LRRC20: variants seen among roughly 807,000 people sequenced by gnomAD.
LRRC20 encodes leucine-rich repeat-containing protein 20.
LRRC20 carries 11 observed loss-of-function variants against 14.4 expected under a neutral mutation model. That is an observed-to-expected ratio of 0.77 (90% CI 0.48 to 1.27). The LOEUF is 1.27. LRRC20 is among the 50% of genes most tolerant of loss of function. The pLI is 0.00. For synonymous variants in LRRC20, 121 were observed against 107.3 expected (o/e 1.13, Z -0.79); for missense variants, 219 against 251.2 (o/e 0.87, Z 0.87).
chr10:70,325,824 C>T (rs556329283), intron 3 of LRRC20, among the ~76,000 whole-genome samples: 1 of 152,180 alleles, frequency 6.6e-6, no homozygotes, highest in Non-Finnish European at 1.5e-5. Flanking sequence ...GCCTTCCAAC[C>T]TTTCTGAGTC....
intron 3 of LRRC20, among the ~76,000 whole-genome samples, chr10:70,333,786 C>T (rs1276852564): frequency 6.6e-6 from 1 of 152,206 alleles, no homozygotes; most frequent in Non-Finnish European, 1.5e-5. Flanking sequence ...GCCCCTTGTG[C>T]ATAACTCAGG....
chr10:70,356,250 G>T (rs1218428963), intron 2 of LRRC20, among the ~76,000 whole-genome samples: 1 of 152,184 alleles, frequency 6.6e-6, no homozygotes, highest in Non-Finnish European at 1.5e-5. Context: ...GGTGGCTCAC[G>T]CCCGTAACCC....
At chr10:70,373,739 G>C (rs1013692949) in intron 2 of LRRC20, among the ~76,000 whole-genome samples, 31 of 152,208 alleles carry the variant, frequency 2.0e-4, no homozygotes, top group African/African-American at 7.0e-4. Flanking sequence ...CATGACCCTG[G>C]CAATCACCAA....
At position 70,299,079 on chromosome 10, in the gene LRRC20, A is replaced by G. The variant is rs1841062430; in HGVS notation, c.*2275T>C. The G allele has an allele frequency of 6.6e-6, 1 of 152,622 alleles. No individual in the cohort carries two copies. Among genetic ancestry groups the G allele is most frequent in the Non-Finnish European group, 1.5e-5 (1 of 68,082 alleles). The allele number at this position is 152,622 out of a possible 1,614,324, so 9.5% of individuals were successfully genotyped here. A position where few individuals can be genotyped will look rare whatever the true frequency, so the allele number is the denominator to read the frequency against. ...CTGCCCACACTTTCCAAGACAGACA[A>G]GGGCAAACTCTCCAAGCAGAGGAGA... On this transcript the variant is annotated 3_prime_UTR_variant, in exon 5 of 5. Coordinates refer to ENST00000446961, the MANE Select transcript of LRRC20 (RefSeq NM_001278212.2).
chr10:70,355,911 C>T (rs1376457922), intron 2 of LRRC20, among the ~76,000 whole-genome samples: 1 of 151,858 alleles, frequency 6.6e-6, no homozygotes, highest in Non-Finnish European at 1.5e-5. Context: ...ACACACGAAT[C>T]CTGCATCTCA....
intron 4 of LRRC20, among the ~76,000 whole-genome samples, chr10:70,310,549 A>G (rs1229103488): frequency 1.3e-5 from 2 of 152,182 alleles, no homozygotes; most frequent in African/African-American, 2.4e-5. Context: ...CACTCGTATC[A>G]TGCACCATGC....
intron 3 of LRRC20, among the ~76,000 whole-genome samples, chr10:70,338,821 C>T (rs2086380): frequency 0.016 from 2,376 of 152,120 alleles, 55 homozygotes; most frequent in African/African-American, 0.053. Context: ...CCACCACACC[C>T]GGCTAATTTT....
chr10:70,309,887 AT>A (rs778417712), intron 4 of LRRC20, among the ~76,000 whole-genome samples: 14 of 152,182 alleles, frequency 9.2e-5, no homozygotes, highest in Non-Finnish European at 2.1e-4. Context: ...CCCGGAACAC[AT>A]CCCCACGACT....
At chr10:70,337,551 G>A (rs1320107158) in intron 3 of LRRC20, among the ~76,000 whole-genome samples, 1 of 152,166 alleles carries the variant, frequency 6.6e-6, no homozygotes, top group East Asian at 1.9e-4. Flanking sequence ...CAGATGCATG[G>A]GCTAAGTAGC....
chr10:70,353,805 G>A (rs7070257), intron 2 of LRRC20, among the ~76,000 whole-genome samples: 21,985 of 152,080 alleles, frequency 0.14, 1,692 homozygotes, highest in South Asian at 0.22. Flanking sequence ...TATGTAACCC[G>A]CATTCAGGAC....
At chr10:70,340,795 C>T in intron 2 of LRRC20, 93 bp from the exon 3 acceptor site, 2 of 1,359,720 alleles carry the variant, frequency 1.5e-6, no homozygotes, top group Non-Finnish European at 1.0e-6. Context: ...TCCATGCCCC[C>T]TTCCAGCCTC....
At chr10:70,302,288 G>A (rs1179533545) in intron 4 of LRRC20, among the ~76,000 whole-genome samples, 1 of 152,038 alleles carries the variant, frequency 6.6e-6, no homozygotes, top group Non-Finnish European at 1.5e-5. Flanking sequence ...ACTCCAGCCT[G>A]GGCGACAAAG....
chr10:70,355,839 G>C (rs1843497926), intron 2 of LRRC20, among the ~76,000 whole-genome samples: 1 of 152,128 alleles, frequency 6.6e-6, no homozygotes, highest in Admixed American at 6.5e-5. Flanking sequence ...AAGCTCACGG[G>C]AGCTGCTGGG....
chr10:70,306,100 CTG>C (rs1491030254), intron 4 of LRRC20, among the ~76,000 whole-genome samples: 3 of 59,410 alleles, frequency 5.0e-5, no homozygotes, highest in Non-Finnish European at 1.3e-4. Flanking sequence ...CATGCATTTT[CTG>C]TCTCTCTCTC....
chr10:70,357,771 G>C (rs1056026417), intron 2 of LRRC20, among the ~76,000 whole-genome samples: 1 of 152,290 alleles, frequency 6.6e-6, no homozygotes, highest in South Asian at 2.1e-4. Flanking sequence ...AACAATTTGA[G>C]ACATTAAATT....
At chr10:70,306,086 T>C (rs919622440) in intron 4 of LRRC20, among the ~76,000 whole-genome samples, 9 of 144,366 alleles carry the variant, frequency 6.2e-5, no homozygotes, top group Non-Finnish European at 1.2e-4. Context: ...CTCTATCATT[T>C]GTGCATGCAT....
chr10:70,351,502 C>T (rs965831807), intron 2 of LRRC20, among the ~76,000 whole-genome samples: 1 of 152,210 alleles, frequency 6.6e-6, no homozygotes, highest in Non-Finnish European at 1.5e-5. Flanking sequence ...ATAACTGCCA[C>T]CCTTCACCAC....
At chr10:70,349,987 G>A (rs1001508091) in intron 2 of LRRC20, among the ~76,000 whole-genome samples, 2 of 152,212 alleles carry the variant, frequency 1.3e-5, no homozygotes, top group African/African-American at 4.8e-5. Context: ...ACCCAGGAGT[G>A]AGCCACAGCA....
At position 70,301,359 on chromosome 10, in the gene LRRC20, GT is replaced by G; in HGVS notation, c.549del (p.Pro184LeufsTer53). On this transcript the variant is annotated frameshift_variant, in exon 5 of 5. Coordinates refer to ENST00000446961, the MANE Select transcript of LRRC20 (RefSeq NM_001278212.2). LOFTEE classifies it high-confidence loss of function. ...GTGGGCATGAGGAGGGTGGCCTAAGGTAGGGGGGCTCTTGCGCCTTCCGGAG... is the reference window on the plus strand; with the variant it reads ...GTGGGCATGAGGAGGGTGGCCTAAGGAGGGGGGCTCTTGCGCCTTCCGGAG... ...LMSPEGARAP[L>X]P 6.2e-7 allele frequency: 1 copy of G among 1,612,376 alleles called. No individual in the cohort carries two copies. Among genetic ancestry groups the G allele is most frequent in the Non-Finnish European group, 8.5e-7 (1 of 1,179,690 alleles).
Sources: allele counts gnomAD v4.1 joint callset (sites outside exome capture counted in the v4.1 genomes callset), GRCh38; gene constraint gnomAD v4.1.1; transcripts MANE v1.5; gene names NCBI Gene and HGNC (gene_info 2026-07-23, HGNC 2026-07-21).